Variants in DBT observed in about 807,000 individuals in gnomAD.
DBT encodes dihydrolipoamide branched chain transacylase E2.
Under a neutral mutation model 51.3 loss-of-function variants are expected in DBT, and 40 were observed. That is an observed-to-expected ratio of 0.78 (90% CI 0.61 to 1.02). The LOEUF (loss-of-function observed/expected upper bound fraction) is 1.02. Among genes scored for constraint, DBT ranks in the 50% least tolerant of loss-of-function variants. The pLI, the probability that DBT is intolerant of heterozygous loss-of-function variation, is 0.00. For synonymous variants in DBT, 181 were observed against 190.4 expected, an observed-to-expected ratio of 0.95 and a Z score of 0.41; for missense variants, 510 against 580.2, an observed-to-expected ratio of 0.88 and a Z score of 1.24.
rs763348475 is a variant in DBT at position 100,214,892 on chromosome 1, A to C, written c.864T>G (p.Val288=). Residue 288 remains valine, a synonymous_variant, in exon 7 of 11, where the codon GTT becomes GTG. Coordinates refer to ENST00000370132, the MANE Select transcript of DBT (RefSeq NM_001918.5). ...TGGGTTTTAATTCTTCTCGGAGCTT[A>C]ACCAGTTCAGTAAGGTCAATCTCAT... ...YCDEIDLTEL[V]KLREELKPIA... 1.2e-6 allele frequency: 2 copies of C among 1,614,062 alleles called. No homozygotes were observed. Among genetic ancestry groups the C allele is most frequent in the South Asian group, 2.2e-5 (2 of 91,088 alleles).
chr1:100,213,527 C>T (rs1662287794), intron 7 of DBT: 1 of 1,553,272 alleles, frequency 6.4e-7, no homozygotes, highest in Non-Finnish European at 8.9e-7. Flanking sequence ...GGGAGGCTGT[C>T]CCGTCTGCAG....
At position 100,235,498 on chromosome 1, in the gene DBT, C is replaced by G. The variant is rs1663814111; in HGVS notation, c.189G>C (p.Gln63His). The change falls in exon 3 of 11, where the codon CAG becomes CAC. Residue 63 changes from glutamine (Q) to histidine (H), a missense_variant. Physicochemically the swap from Gln to His is conservative, Grantham distance 24. Coordinates refer to ENST00000370132, the MANE Select transcript of DBT (RefSeq NM_001918.5). ...TGTCTGAGAGCTTGAACTGAACAACCTGTCCACGGAGAGCTTCAAAGACAA... is the reference window on the plus strand; with the variant it reads ...TGTCTGAGAGCTTGAACTGAACAACGTGTCCACGGAGAGCTTCAAAGACAA... ...FLKTTAALRG[Q>H]VVQFKLSDIG... The G allele has an allele frequency of 6.3e-7, 1 of 1,585,436 alleles. No individual in the cohort carries two copies. The highest frequency in any genetic ancestry group is 8.7e-7 in the Non-Finnish European group (1 of 1,155,224).
chr1:100,188,510 G>C lies in DBT; in HGVS notation c.*7745C>G, dbSNP rs969392593. ...GCTTTTTCCAAGTTTAATACAGTTT[G>C]ATGGCTCTTCTCGGGGTGTAGATGA... On this transcript the variant is annotated 3_prime_UTR_variant, in exon 11 of 11. Coordinates refer to ENST00000370132, the MANE Select transcript of DBT (RefSeq NM_001918.5). The C allele has an allele frequency of 2.0e-5, 3 of 152,102 alleles. No homozygotes were observed. Among genetic ancestry groups the C allele is most frequent in the Non-Finnish European group, 4.4e-5 (3 of 68,046 alleles). The allele number at this position is 152,102 out of a possible 1,614,324, so 9.4% of individuals were successfully genotyped here.
At chr1:100,220,811 AAT>A (rs941668938) in intron 4 of DBT, among the ~76,000 whole-genome samples, 7 of 152,200 alleles carry the variant, frequency 4.6e-5, no homozygotes, top group Admixed American at 2.0e-4. Context: ...AGCCCTAGTA[AAT>A]TTTCCTTCTG....
intron 10 of DBT, among the ~76,000 whole-genome samples, chr1:100,196,656 T>C (rs900300539): frequency 2.0e-5 from 3 of 152,210 alleles, no homozygotes; most frequent in Admixed American, 2.0e-4. Context: ...TCCTATCCCT[T>C]GTACAATTCC....
In DBT at chr1:100,249,779, C is replaced by T. The variant is rs758610837; in HGVS notation, c.42G>A (p.Ala14=). The T allele has an allele frequency of 1.1e-5, 17 of 1,614,078 alleles. No individual in the cohort carries two copies. In the Admixed American group the frequency reaches 2.7e-4, roughly 25 times the overall value. ...VRMLRTWSRN[A]GKLICVRYFQ... ...GCCCAAACGTGCTTACCAGCTTCCC[C>T]GCATTCCTGCTCCAGGTTCTCAGCA... is the stretch of plus-strand genomic sequence containing the variant. The change falls in exon 1 of 11, where the codon GCG becomes GCA. Residue 14 remains alanine (A), a synonymous_variant. Transcript: ENST00000370132.
rs754882264 is a variant in DBT, at chr1:100,214,971, G to T, written c.785C>A (p.Ala262Glu). 6.2e-7 allele frequency: 1 copy of T among 1,609,050 alleles called. No individual in the cohort carries two copies. The highest frequency in any genetic ancestry group is 8.5e-7 in the Non-Finnish European group (1 of 1,176,196). The change falls in exon 7 of 11, where the codon GCA (alanine) becomes GAA (glutamate). Residue 262 changes from alanine to glutamate, a missense_variant. Physicochemically the swap from Ala to Glu is moderately radical, Grantham distance 107. Coordinates refer to ENST00000370132, the MANE Select transcript of DBT (RefSeq NM_001918.5). ...KTEPIKGFQK[A>E]MVKTMSAALK... is the part of the protein sequence containing the mutation. ...GGCTGCAGACATAGTCTTGACCATTGCTTTTTGAAAGCCTGAAAAGCATTA... is the reference window on the plus strand; with the variant it reads ...GGCTGCAGACATAGTCTTGACCATTTCTTTTTGAAAGCCTGAAAAGCATTA...
intron 10 of DBT, among the ~76,000 whole-genome samples, chr1:100,203,420 T>G (rs1345406138): frequency 6.6e-6 from 1 of 152,196 alleles, no homozygotes. Context: ...ACTCCCTGAA[T>G]AGACCAATAA....
At chr1:100,198,662 T>C (rs1661244785) in intron 10 of DBT, among the ~76,000 whole-genome samples, 1 of 152,088 alleles carries the variant, frequency 6.6e-6, no homozygotes, top group South Asian at 2.1e-4. Context: ...GAAAAGAGAA[T>C]GAGTGATAGA....
chr1:100,203,390 A>G (rs1192840284), intron 10 of DBT, among the ~76,000 whole-genome samples: 1 of 152,248 alleles, frequency 6.6e-6, no homozygotes, highest in African/African-American at 2.4e-5. Context: ...CCCTCCCAAG[A>G]CTAAATCAGG....
chr1:100,218,893 G>A, intron 4 of DBT, 146 bp from the exon 5 acceptor site: 1 of 556,700 alleles, frequency 1.8e-6, no homozygotes, highest in Non-Finnish European at 3.1e-6. Context: ...AACTACTTCA[G>A]AATAGGAAAA....
Position 100,188,272 on chromosome 1 carries a change from T to A in DBT, c.*7983A>T, listed in dbSNP as rs1660662222. The A allele has an allele frequency of 6.6e-6, 1 of 152,202 alleles. No individual in the cohort carries two copies. The highest frequency in any genetic ancestry group is 1.5e-5 in the Non-Finnish European group (1 of 68,030). 9.4% of individuals were successfully genotyped at this position (152,202 alleles called of 1,614,324 possible). ...TTCATCCCTGCCATTCCTATTAACTTAATTACACCTGCCCACAACTTAATT... is the reference window on the plus strand; with the variant it reads ...TTCATCCCTGCCATTCCTATTAACTAAATTACACCTGCCCACAACTTAATT... On this transcript the variant is annotated 3_prime_UTR_variant, in exon 11 of 11. Transcript: ENST00000370132.
At chr1:100,234,736 C>T (rs905259718) in intron 3 of DBT, among the ~76,000 whole-genome samples, 1 of 152,082 alleles carries the variant, frequency 6.6e-6, no homozygotes, top group African/African-American at 2.4e-5. Context: ...CACAGTGCCA[C>T]CAGAGACATA....
At position 100,200,904 on chromosome 1, in the gene DBT, G is replaced by T. The variant is rs1265683383; in HGVS notation, c.1282-4482C>A. ...GACCATGCAAAAACTCCATCCAAAG[G>T]TCACCAACAGCAAAGATCAAAGGTA... On this transcript the variant is annotated intron_variant, in intron 10 of 10. Coordinates refer to ENST00000370132, the MANE Select transcript of DBT (RefSeq NM_001918.5). 2.0e-5 allele frequency among the ~76,000 whole-genome samples: 3 copies of T among 152,112 alleles called. No homozygotes were observed. In the East Asian group the frequency reaches 5.8e-4, roughly 29 times the overall value.
chr1:100,213,753 A>G lies in DBT; in HGVS notation c.939+1064T>C, dbSNP rs1280801608. ...TGTGTTCAATAGTTTTATTTGATTA[A>G]GCTTCAGGACTGTTTTGTAAAGCGA... On this transcript the variant is annotated intron_variant, in intron 7 of 10. Transcript: ENST00000370132. The G allele has an allele frequency of 1.4e-5, 22 of 1,533,564 alleles. No individual in the cohort carries two copies. In the East Asian group the frequency reaches 2.0e-4, roughly 14 times the overall value. 95.0% of individuals were successfully genotyped at this position (1,533,564 alleles called of 1,614,324 possible).
chr1:100,231,468 C>T (rs1372629410), intron 3 of DBT, among the ~76,000 whole-genome samples: 3 of 152,122 alleles, frequency 2.0e-5, no homozygotes, highest in African/African-American at 7.2e-5. Context: ...TTTTGGCAAA[C>T]AAAACAGGAG....
chr1:100,196,455 A>AG, intron 10 of DBT, 33 bp from the exon 11 acceptor site: 6 of 1,391,714 alleles, frequency 4.3e-6, no homozygotes, highest in Non-Finnish European at 5.9e-6. Context: ...AAAAAAAAAA[A>AG]AAAAGAACAA....
In DBT at chr1:100,214,868, G is replaced by A. The variant is rs1409623835; in HGVS notation, c.888C>T (p.Pro296=). The A allele has an allele frequency of 1.2e-6, 2 of 1,614,086 alleles. No individual in the cohort carries two copies. The highest frequency in any genetic ancestry group is 1.1e-5 in the South Asian group (1 of 91,070). ...ELVKLREELK[P]IAFARGIKLS... ...GTTTAATTCCACGAGCAAATGCAAT[G>A]GGTTTTAATTCTTCTCGGAGCTTAA... The change falls in exon 7 of 11, where the codon CCC becomes CCT. Residue 296 remains proline, a synonymous_variant. Coordinates refer to ENST00000370132, the MANE Select transcript of DBT (RefSeq NM_001918.5).
chr1:100,227,373 T>C (rs934394230), intron 4 of DBT, among the ~76,000 whole-genome samples: 1 of 152,110 alleles, frequency 6.6e-6, no homozygotes, highest in Non-Finnish European at 1.5e-5. Context: ...TTATTTTCTT[T>C]CCAGTAAGAA....
Sources: gnomAD v4.1 joint callset for allele counts (sites outside exome capture counted in the v4.1 genomes callset) on GRCh38, gnomAD v4.1.1 for gene constraint, MANE v1.5 for transcripts, NCBI Gene and HGNC (gene_info 2026-07-23, HGNC 2026-07-21) for gene names.